The following CASZ1 variants were observed in gnomAD, a reference collection of about 807,000 sequenced individuals.
CASZ1 encodes the protein castor zinc finger 1.
A neutral mutation model predicts 135.2 loss-of-function variants in CASZ1; 28 were observed. The observed-to-expected ratio is 0.21, with a 90% CI of 0.15 to 0.28. The LOEUF is 0.28. CASZ1 is among the 10% of genes least tolerant of loss of function. CASZ1 has a pLI of 1.00. For synonymous variants in CASZ1, 1,068 were observed against 1,073.4 expected (o/e 0.99, Z 0.10); for missense variants, 2,161 against 2,453.3 (o/e 0.88, Z 2.52).
In CASZ1 at chr1:10,697,509, C is replaced by T. The variant is rs1381217409; in HGVS notation, c.-23-3597G>A. Among the ~76,000 whole-genome samples the T allele has an allele frequency of 6.6e-6, 1 of 152,024 alleles. No homozygotes were observed. The highest frequency in any genetic ancestry group is 1.5e-5 in the Non-Finnish European group (1 of 67,994). The stretch of plus-strand genomic sequence containing the variant: ...AGAAGTGGAAGGCAACCCAGCGGTT[C>T]CCCCCAACCCAGGCTCCCCACATCA... On this transcript the variant is annotated intron_variant, in intron 3 of 20. Coordinates refer to ENST00000377022, the MANE Select transcript of CASZ1 (RefSeq NM_001079843.3). The surrounding 1 kb of genome is among the most constrained non-coding windows in gnomAD (Gnocchi z 4.7).
Position 10,639,284 on chromosome 1 carries a change from C to A in CASZ1, c.4938G>T (p.Ala1646=), listed in dbSNP as rs1397872110. The A allele has an allele frequency of 6.8e-6, 8 of 1,179,286 alleles. 1 individual carries two copies. The highest frequency in any genetic ancestry group is 5.9e-5 in the South Asian group (2 of 34,038). The allele number at this position is 1,179,286 out of a possible 1,614,324, so 73.1% of individuals were successfully genotyped here. ...AAGLGLALGD[A]GDPGPPDAAA... ...CGGCGTCGGGCGGGCCGGGGTCGCC[C>A]GCGTCGCCCAGCGCCAGGCCCAGGC... Residue 1646 remains alanine (A), a synonymous_variant, in exon 21 of 21, where the codon GCG becomes GCT. Coordinates refer to ENST00000377022, the MANE Select transcript of CASZ1 (RefSeq NM_001079843.3). This position sits in a 1 kb window ranked among gnomAD's most constrained non-coding sequence, Gnocchi z 4.0.
rs529994966 is a variant in CASZ1, at chr1:10,664,245, C to A, written c.505+838G>T. 1.9e-4 allele frequency among the ~76,000 whole-genome samples: 29 copies of A among 152,176 alleles called. No homozygotes were observed. The East Asian group carries it at 5.6e-3, about 29-fold the overall frequency. On this transcript the variant is annotated intron_variant, in intron 5 of 20. Coordinates refer to ENST00000377022, the MANE Select transcript of CASZ1 (RefSeq NM_001079843.3). ...GAGCGGGCAGGGGAGGCGCAGGGCACCGGGCACAAGGCTGGGAAGGAGGCC... is the reference window on the plus strand; with the variant it reads ...GAGCGGGCAGGGGAGGCGCAGGGCAACGGGCACAAGGCTGGGAAGGAGGCC...
In CASZ1 at chr1:10,736,179, G is replaced by A. The variant is rs368061122; in HGVS notation, c.-77+24522C>T. Reference sequence around the variant, plus strand: ...GTGCCAAGTTCAGCTCAGTCTCCAGGAACCCCCAAGCCAGGCAGCTTCACC... The same window carrying A: ...GTGCCAAGTTCAGCTCAGTCTCCAGAAACCCCCAAGCCAGGCAGCTTCACC... On this transcript the variant is annotated intron_variant, in intron 2 of 20. Transcript: ENST00000377022. 7.8e-4 allele frequency among the ~76,000 whole-genome samples: 119 copies of A among 152,246 alleles called. 1 individual carries two copies. In the South Asian group the frequency reaches 0.024, roughly 30 times the overall value.
intron 4 of CASZ1, among the ~76,000 whole-genome samples, chr1:10,680,576 T>A (rs1405672217): frequency 6.6e-6 from 1 of 152,138 alleles, no homozygotes; most frequent in Admixed American, 6.5e-5. Flanking sequence ...TGTGTCACAC[T>A]CCAGAGCGCA....
rs1640689752 is a variant in CASZ1, at chr1:10,777,900, ATC to A, written c.-233-17045_-233-17044del. Among the ~76,000 whole-genome samples, 2 of 151,786 alleles carry A rather than the reference ATC, an allele frequency of 1.3e-5. 1 individual carries two copies. Among genetic ancestry groups the A allele is most frequent in the Admixed American group, 1.3e-4 (2 of 15,244 alleles). On this transcript the variant is annotated intron_variant, in intron 1 of 20. Transcript: ENST00000377022. This position sits in a 1 kb window ranked among gnomAD's most constrained non-coding sequence, Gnocchi z 4.4. The stretch of plus-strand genomic sequence containing the variant: ...ACACAATCACACAATTTCACACAAA[ATC>A]TCACACACAGGCACACACAGTCTTC...
rs144587663 is a variant in CASZ1 at position 10,696,145 on chromosome 1, A to C, written c.-23-2233T>G. Reference sequence around the variant, plus strand: ...GAGTTAACAATCTACTCTTTCTCCTACTTTCCCCTCATTTTTCTCCTTTTT... The same window carrying C: ...GAGTTAACAATCTACTCTTTCTCCTCCTTTCCCCTCATTTTTCTCCTTTTT... On this transcript the variant is annotated intron_variant, in intron 3 of 20. Coordinates refer to ENST00000377022, the MANE Select transcript of CASZ1 (RefSeq NM_001079843.3). 7.2e-5 allele frequency among the ~76,000 whole-genome samples: 11 copies of C among 152,206 alleles called. No homozygotes were observed. In the East Asian group the frequency reaches 2.1e-3, roughly 29 times the overall value.
chr1:10,684,801 A>G (rs1189974377), intron 4 of CASZ1, among the ~76,000 whole-genome samples: 1 of 152,186 alleles, frequency 6.6e-6, no homozygotes, highest in Non-Finnish European at 1.5e-5. Flanking sequence ...GGGTGAACTG[A>G]TGACACAGGG....
rs1327516609 is a variant in CASZ1, at chr1:10,756,113, C to T, written c.-77+4588G>A. On this transcript the variant is annotated intron_variant, in intron 2 of 20. Coordinates refer to ENST00000377022, the MANE Select transcript of CASZ1 (RefSeq NM_001079843.3). The surrounding 1 kb of genome is among the most constrained non-coding windows in gnomAD (Gnocchi z 5.9). ...ACACGCCCAGGAAGACTGGCTGACACGCCCCTCGGAGCCAGGCAGAGGCAC... is the reference window on the plus strand; with the variant it reads ...ACACGCCCAGGAAGACTGGCTGACATGCCCCTCGGAGCCAGGCAGAGGCAC... Among the ~76,000 whole-genome samples, 5 of 152,154 alleles carry T rather than the reference C, an allele frequency of 3.3e-5. No individual in the cohort carries two copies. The highest frequency in any genetic ancestry group is 2.1e-4 in the South Asian group (1 of 4,812).
intron 2 of CASZ1, among the ~76,000 whole-genome samples, chr1:10,708,682 G>A (rs966177610): frequency 1.3e-5 from 2 of 152,110 alleles, no homozygotes; most frequent in African/African-American, 2.4e-5. Context: ...CCCTGAGCCC[G>A]GCAGCCCTGG....
intron 2 of CASZ1, among the ~76,000 whole-genome samples, chr1:10,749,183 C>T (rs988155811): frequency 3.3e-5 from 5 of 152,188 alleles, no homozygotes; most frequent in Non-Finnish European, 7.4e-5. Context: ...ACGACATGCC[C>T]TCCACCCTGT....
chr1:10,683,689 T>C (rs550939058), intron 4 of CASZ1, among the ~76,000 whole-genome samples: 48 of 151,380 alleles, frequency 3.2e-4, no homozygotes, highest in African/African-American at 1.1e-3. Flanking sequence ...CAAGTCGGAG[T>C]GCGTTCCACC....
At chr1:10,737,943 G>A (rs1378675140) in intron 2 of CASZ1, among the ~76,000 whole-genome samples, 2 of 152,240 alleles carry the variant, frequency 1.3e-5, no homozygotes, top group Admixed American at 6.5e-5. Context: ...CTCAGCCCTG[G>A]TAGGGTCCCA....
chr1:10,789,517 C>G (rs11121622), intron 1 of CASZ1, among the ~76,000 whole-genome samples: 2,420 of 152,020 alleles, frequency 0.016, 39 homozygotes, highest in Non-Finnish European at 0.022. Context: ...AGGAGCGACA[C>G]GTCCCTGTCT....
Position 10,648,155 on chromosome 1 carries a change from GA to G in CASZ1, c.3159-17del. On this transcript the variant is annotated splice_polypyrimidine_tract_variant and intron_variant, in intron 15 of 20. Transcript: ENST00000377022. ...GAAGTGGAAGCTGCGAGAGGTAGAA[GA>G]GGGGGTCTCATGGGGGGCAGTGAAG... is the stretch of plus-strand genomic sequence containing the variant. The G allele has an allele frequency of 3.4e-6, 5 of 1,487,798 alleles. No individual in the cohort carries two copies. Among genetic ancestry groups the G allele is most frequent in the Non-Finnish European group, 4.5e-6 (5 of 1,115,216 alleles). 92.2% of individuals were successfully genotyped at this position (1,487,798 alleles called of 1,614,324 possible).
intron 18 of CASZ1, 115 bp downstream of exon 18, chr1:10,644,802 G>A (rs548905818): frequency 3.9e-5 from 43 of 1,091,838 alleles, no homozygotes; most frequent in South Asian, 1.9e-4. Flanking sequence ...TTAACAAAAC[G>A]TGGAGCCTGC....
Position 10,727,072 on chromosome 1 carries a change from A to G in CASZ1, c.-76-21528T>C, listed in dbSNP as rs1639611008. 2.6e-5 allele frequency among the ~76,000 whole-genome samples: 4 copies of G among 152,130 alleles called. No homozygotes were observed. The highest frequency in any genetic ancestry group is 1.3e-4 in the Admixed American group (2 of 15,276). ...ACAGCCTGTGAGTGAGGAGGACTGA[A>G]ACGAAGGCAGAGGGGGAGCCATGGG... On this transcript the variant is annotated intron_variant, in intron 2 of 20. Transcript: ENST00000377022. The surrounding 1 kb of genome is among the most constrained non-coding windows in gnomAD (Gnocchi z 5.3).
chr1:10,650,602 AT>A (rs981667467), intron 13 of CASZ1, 89 bp downstream of exon 13: 1 of 1,099,352 alleles, frequency 9.1e-7, no homozygotes, highest in African/African-American at 1.6e-5. Context: ...GAGGCAAAAC[AT>A]TAAAAAACAA....
At position 10,639,575 on chromosome 1, in the gene CASZ1, G is replaced by C. The variant is rs889658581; in HGVS notation, c.4647C>G (p.Cys1549Trp). The change falls in exon 21 of 21, where the codon TGC (cysteine) becomes TGG (tryptophan). Residue 1549 changes from cysteine to tryptophan, a missense_variant. Transcript: ENST00000377022. The surrounding 1 kb of genome is among the most constrained non-coding windows in gnomAD (Gnocchi z 4.0). The stretch of plus-strand genomic sequence containing the variant: ...CGCAGTCGGCGCTGGAGCTGAACTG[G>C]CAGAAGCCCGCGGCGCTGATCACGT... ...KQDVISAAGFCQFSSSADCAV... is the reference protein window; with the variant it reads ...KQDVISAAGFWQFSSSADCAV... 1.9e-6 allele frequency: 3 copies of C among 1,611,366 alleles called. No individual in the cohort carries two copies. Among genetic ancestry groups the C allele is most frequent in the Non-Finnish European group, 2.5e-6 (3 of 1,179,210 alleles).
In CASZ1 at chr1:10,694,563, G is replaced by C. The variant is rs1416313976; in HGVS notation, c.-23-651C>G. On this transcript the variant is annotated intron_variant, in intron 3 of 20. Coordinates refer to ENST00000377022, the MANE Select transcript of CASZ1 (RefSeq NM_001079843.3). This position sits in a 1 kb window ranked among gnomAD's most constrained non-coding sequence, Gnocchi z 6.6. The stretch of plus-strand genomic sequence containing the variant: ...GGCCCGGCCCGCGCCGGCCCCGGCA[G>C]GTGAAAGAGCAGAGCGCGGCCCCGC... 2 of 142,608 alleles carry C rather than the reference G, an allele frequency of 1.4e-5. No individual in the cohort carries two copies. Among genetic ancestry groups the C allele is most frequent in the African/African-American group, 5.2e-5 (2 of 38,470 alleles). 8.8% of individuals were successfully genotyped at this position (142,608 alleles called of 1,614,324 possible).
Sources: allele counts gnomAD v4.1 joint callset (sites outside exome capture counted in the v4.1 genomes callset), GRCh38; gene constraint gnomAD v4.1.1; non-coding constraint Gnocchi (gnomAD v3.1); transcripts MANE v1.5; gene names NCBI Gene and HGNC (gene_info 2026-07-23, HGNC 2026-07-21).